Variants in ZFPM2 observed in about 807,000 individuals in gnomAD.
ZFPM2 encodes the protein zinc finger protein, FOG family member 2.
A neutral mutation model predicts 98.6 loss-of-function variants in ZFPM2; 20 were observed. The ratio of observed to expected loss-of-function variants is 0.20; its 90% CI spans 0.14 to 0.29. The LOEUF (loss-of-function observed/expected upper bound fraction) is 0.29, where lower values mean the gene tolerates loss of function less well. ZFPM2 is among the 10% of genes least tolerant of loss of function. The pLI is 1.00. For missense variants in ZFPM2, 1,310 were observed against 1,388.6 expected (o/e 0.94, Z 0.90); for synonymous variants, 518 against 502.7 (o/e 1.03, Z -0.41).
At chr8:105,730,602 G>A (rs533949775) in intron 5 of ZFPM2, among the ~76,000 whole-genome samples, 3 of 151,660 alleles carry the variant, frequency 2.0e-5, no homozygotes, top group East Asian at 2.0e-4. Context: ...GGATTGCCAC[G>A]TGTTCCTGAT....
intron 5 of ZFPM2, among the ~76,000 whole-genome samples, chr8:105,646,739 G>A (rs1194003221): frequency 6.6e-6 from 1 of 152,082 alleles, no homozygotes; most frequent in Non-Finnish European, 1.5e-5. Flanking sequence ...ACAGTCCCCC[G>A]AGATTTATGA....
chr8:105,364,663 A>C (rs1222854371), intron 1 of ZFPM2, among the ~76,000 whole-genome samples: 4 of 152,106 alleles, frequency 2.6e-5, no homozygotes, highest in African/African-American at 4.8e-5. Flanking sequence ...ATACCAAAAA[A>C]AAAAAAAAAT....
At chr8:105,630,482 CT>C (rs1438329584) in intron 4 of ZFPM2, among the ~76,000 whole-genome samples, 1 of 152,158 alleles carries the variant, frequency 6.6e-6, no homozygotes, top group East Asian at 1.9e-4. Flanking sequence ...TACTTTACAG[CT>C]TGGGTATAGC....
At chr8:105,660,948 G>C (rs1396956277) in intron 5 of ZFPM2, among the ~76,000 whole-genome samples, 1 of 152,106 alleles carries the variant, frequency 6.6e-6, no homozygotes, top group Non-Finnish European at 1.5e-5. Context: ...ATATACCCTA[G>C]TGGTCTAAAG....
chr8:105,580,137 T>G lies in ZFPM2; in HGVS notation c.420+18656T>G, dbSNP rs377357110. On this transcript the variant is annotated intron_variant, in intron 4 of 7. Coordinates refer to ENST00000407775, the MANE Select transcript of ZFPM2 (RefSeq NM_012082.4). ...TTTTCTGAATTGCTTTTCTTATGTCTTCTCTTCTTTGGTCGAATTGAAAGA... is the reference window on the plus strand; with the variant it reads ...TTTTCTGAATTGCTTTTCTTATGTCGTCTCTTCTTTGGTCGAATTGAAAGA... 2.7e-5 allele frequency among the ~76,000 whole-genome samples: 4 copies of G among 148,370 alleles called. No homozygotes were observed. In the East Asian group the frequency reaches 7.8e-4, roughly 29 times the overall value.
intron 1 of ZFPM2, among the ~76,000 whole-genome samples, chr8:105,378,118 T>C (rs1810767115): frequency 6.6e-6 from 1 of 152,148 alleles, no homozygotes; most frequent in African/African-American, 2.4e-5. Flanking sequence ...TATTGGATGA[T>C]ATAGCCAAAT....
chr8:105,612,304 C>T (rs1054482328), intron 4 of ZFPM2, among the ~76,000 whole-genome samples: 2 of 151,850 alleles, frequency 1.3e-5, no homozygotes, highest in Admixed American at 6.6e-5. Context: ...TTTGCTATTA[C>T]GCATTATAAA....
At position 105,801,852 on chromosome 8, in the gene ZFPM2, G is replaced by A. The variant is rs533177469; in HGVS notation, c.1770G>A (p.Lys590=). The A allele has an allele frequency of 6.2e-7, 1 of 1,613,966 alleles. No individual in the cohort carries two copies. The highest frequency in any genetic ancestry group is 8.5e-7 in the Non-Finnish European group (1 of 1,179,882). Residue 590 remains lysine (K), a synonymous_variant, in exon 8 of 8, where the codon AAG becomes AAA. Transcript: ENST00000407775. ...CAGAGTTCCCTAGTGTGTCAGAAAA[G>A]ATGCCTGAAGCTTTGAGTCCCAACA... ...KSPEFPSVSE[K]MPEALSPNTG...
At chr8:105,355,308 C>T (rs568976424) in intron 1 of ZFPM2, among the ~76,000 whole-genome samples, 1 of 152,274 alleles carries the variant, frequency 6.6e-6, no homozygotes, top group African/African-American at 2.4e-5. Flanking sequence ...TTCTTATTCT[C>T]CTGTCATACT....
intron 5 of ZFPM2, among the ~76,000 whole-genome samples, chr8:105,776,404 A>G (rs1264766788): frequency 3.3e-5 from 5 of 152,236 alleles, no homozygotes; most frequent in Admixed American, 3.3e-4. Context: ...TGACACATAA[A>G]TCACAGATTC....
In ZFPM2 at chr8:105,330,621, T is replaced by TACACAC. The variant is rs1554595031; in HGVS notation, c.40+11641_40+11642insCACACA. Among the ~76,000 whole-genome samples the TACACAC allele has an allele frequency of 1.0e-3, 109 of 104,624 alleles. 1 individual carries two copies. Among genetic ancestry groups the TACACAC allele is most frequent in the African/African-American group, 3.6e-3 (102 of 28,430 alleles). The allele number at this position is 104,624 out of a possible 152,430, so 68.6% of individuals were successfully genotyped here. A position where few individuals can be genotyped will look rare whatever the true frequency, so the allele number is the denominator to read the frequency against. On this transcript the variant is annotated intron_variant, in intron 1 of 7. Transcript: ENST00000407775. ...ATATATATATATATACACATATATA[T>TACACAC]ATATATATATACATATATATATATA...
chr8:105,353,219 TC>T lies in ZFPM2; in HGVS notation c.40+34244del, dbSNP rs1812681563. Among the ~76,000 whole-genome samples the T allele has an allele frequency of 2.0e-5, 3 of 152,142 alleles. No homozygotes were observed. The East Asian group carries it at 5.8e-4, about 29-fold the overall frequency. On this transcript the variant is annotated intron_variant, in intron 1 of 7. Coordinates refer to ENST00000407775, the MANE Select transcript of ZFPM2 (RefSeq NM_012082.4). ...GACTTCCCTAATGCTTCTGAAGGGA[TC>T]CCCCCACCCCATACTCTCATACTGC...
At chr8:105,701,957 C>T (rs1811150778) in intron 5 of ZFPM2, among the ~76,000 whole-genome samples, 1 of 152,176 alleles carries the variant, frequency 6.6e-6, no homozygotes, top group South Asian at 2.1e-4. Context: ...CTTGATCACT[C>T]ATTTTATAAT....
At chr8:105,664,215 A>G (rs949343596) in intron 5 of ZFPM2, among the ~76,000 whole-genome samples, 8 of 152,198 alleles carry the variant, frequency 5.3e-5, no homozygotes, top group Admixed American at 6.5e-5. Context: ...TGTTTTGAAA[A>G]TAGTGATTCA....
At chr8:105,637,760 G>A (rs571230574) in intron 5 of ZFPM2, among the ~76,000 whole-genome samples, 6 of 152,170 alleles carry the variant, frequency 3.9e-5, no homozygotes, top group South Asian at 2.1e-4. Flanking sequence ...CTCAGGAGTC[G>A]TCTGTCTCCA....
At chr8:105,600,549 T>C (rs1285888265) in intron 4 of ZFPM2, among the ~76,000 whole-genome samples, 2 of 152,138 alleles carry the variant, frequency 1.3e-5, no homozygotes, top group Admixed American at 6.6e-5. Flanking sequence ...GTTTCATGAA[T>C]TTGCTAACTT....
intron 1 of ZFPM2, among the ~76,000 whole-genome samples, chr8:105,349,629 T>G (rs1043539202): frequency 6.6e-6 from 1 of 152,180 alleles, no homozygotes; most frequent in African/African-American, 2.4e-5. Context: ...GCATCATGAT[T>G]CTAAATCATA....
intron 1 of ZFPM2, among the ~76,000 whole-genome samples, chr8:105,338,680 G>A (rs1812369417): frequency 6.6e-6 from 1 of 151,940 alleles, no homozygotes. Context: ...GTACAGATGT[G>A]AGTAAAAACT....
intron 3 of ZFPM2, among the ~76,000 whole-genome samples, chr8:105,464,336 T>C (rs1216554661): frequency 1.3e-5 from 2 of 152,100 alleles, no homozygotes; most frequent in South Asian, 4.1e-4. Flanking sequence ...CTTATCATTA[T>C]TTTAATAAAA....
Sources: gnomAD v4.1 joint callset for allele counts (sites outside exome capture counted in the v4.1 genomes callset) on GRCh38, gnomAD v4.1.1 for gene constraint, MANE v1.5 for transcripts, NCBI Gene and HGNC (gene_info 2026-07-23, HGNC 2026-07-21) for gene names.